Variants in WWC1 observed in about 807,000 individuals in gnomAD.
The protein encoded by WWC1 is protein KIBRA.
WWC1 carries 55 observed loss-of-function variants against 138.4 expected under a neutral mutation model. That is an observed-to-expected ratio of 0.40 (90% confidence interval 0.32 to 0.50). The LOEUF (loss-of-function observed/expected upper bound fraction) is 0.50. Among genes scored for constraint, WWC1 ranks in the 20% least tolerant of loss-of-function variants. The pLI is 0.72. For synonymous variants in WWC1, 524 were observed against 564.9 expected, an observed-to-expected ratio of 0.93 and a Z score of 1.03; for missense variants, 1,226 against 1,420.4, an observed-to-expected ratio of 0.86 and a Z score of 2.20.
At chr5:168,338,172 G>C (rs9313406) in intron 1 of WWC1, among the ~76,000 whole-genome samples, 1 of 151,622 alleles carries the variant, frequency 6.6e-6, no homozygotes, top group Non-Finnish European at 1.5e-5. Flanking sequence ...TTAGCCGGGC[G>C]TGGTGGCACG....
intron 19 of WWC1, among the ~76,000 whole-genome samples, chr5:168,460,416 A>G (rs530935689): frequency 6.6e-6 from 1 of 152,366 alleles, no homozygotes; most frequent in East Asian, 1.9e-4. Flanking sequence ...TATTCGTGGC[A>G]TTTAGCATCG....
At chr5:168,330,317 C>T (rs1273445405) in intron 1 of WWC1, among the ~76,000 whole-genome samples, 1 of 152,164 alleles carries the variant, frequency 6.6e-6, no homozygotes, top group East Asian at 1.9e-4. Context: ...TGAGCAACAA[C>T]CCCTTGGAAG....
chr5:168,445,701 CAAA>C (rs763044458), intron 17 of WWC1, among the ~76,000 whole-genome samples: 2 of 50,678 alleles, frequency 3.9e-5, no homozygotes, highest in African/African-American at 7.1e-5. Context: ...GACTCTGTCT[CAAA>C]AAAAAAAAAA....
chr5:168,404,255 A>G (rs567941977), intron 5 of WWC1, among the ~76,000 whole-genome samples: 1 of 152,312 alleles, frequency 6.6e-6, no homozygotes, highest in East Asian at 1.9e-4. Flanking sequence ...CCCTATGCCC[A>G]TCTGCAGCAG....
At position 168,430,239 on chromosome 5, in the gene WWC1, G is replaced by T. The variant is rs199633518; in HGVS notation, c.2087+16G>T. 87 of 1,608,572 alleles carry T rather than the reference G, an allele frequency of 5.4e-5. No homozygotes were observed. In the East Asian group the frequency reaches 1.8e-3, roughly 33 times the overall value. On this transcript the variant is annotated intron_variant, in intron 14 of 22. Transcript: ENST00000265293. ...ACCAGAAAGTGTGAGTATGTAGCTGGACAGGTGTATTTCATACCCTAACCC... is the reference window on the plus strand; with the variant it reads ...ACCAGAAAGTGTGAGTATGTAGCTGTACAGGTGTATTTCATACCCTAACCC...
intron 19 of WWC1, 100 bp from the exon 20 acceptor site, chr5:168,460,550 A>T: frequency 9.4e-7 from 1 of 1,058,660 alleles, no homozygotes. Flanking sequence ...GAGAGGAAGG[A>T]CTGTGCCGAG....
intron 1 of WWC1, among the ~76,000 whole-genome samples, chr5:168,368,137 C>A (rs1036328337): frequency 2.8e-5 from 4 of 141,934 alleles, no homozygotes; most frequent in African/African-American, 1.0e-4. Context: ...GTTACCCAGG[C>A]TGGAGTGCAA....
Position 168,464,506 on chromosome 5 carries a change from G to T in WWC1, c.2917-223G>T, listed in dbSNP as rs1475272896. 2.6e-5 allele frequency among the ~76,000 whole-genome samples: 4 copies of T among 152,296 alleles called. No individual in the cohort carries two copies. The East Asian group carries it at 7.7e-4, about 29-fold the overall frequency. ...CCTAGGTTTGTGAAAATGAAACGAG[G>T]TTATGGAAATGAAGTGCTTAGTGCC... On this transcript the variant is annotated intron_variant, in intron 20 of 22. Transcript: ENST00000265293.
chr5:168,299,168 A>G (rs904675312), intron 1 of WWC1, among the ~76,000 whole-genome samples: 1 of 152,198 alleles, frequency 6.6e-6, no homozygotes, highest in Non-Finnish European at 1.5e-5. Flanking sequence ...GGATTCTTGC[A>G]TCTACACTCA....
At chr5:168,429,485 C>T (rs531256285) in intron 13 of WWC1, among the ~76,000 whole-genome samples, 115 of 152,158 alleles carry the variant, frequency 7.6e-4, no homozygotes, top group Admixed American at 2.4e-3. Context: ...TCTCAAACTC[C>T]TGACCTCAAA....
At position 168,470,611 on chromosome 5, in the gene WWC1, G is replaced by A. The variant is rs918179682; in HGVS notation, c.*1594G>A. 1 of 151,970 alleles carries A rather than the reference G, an allele frequency of 6.6e-6. No individual in the cohort carries two copies. The highest frequency in any genetic ancestry group is 1.5e-5 in the Non-Finnish European group (1 of 68,062). The allele number at this position is 151,970 out of a possible 1,614,324, so 9.4% of individuals were successfully genotyped here. ...GCACTTTGGGAGGCTGAGGCGGGCA[G>A]ATCAACTGAGATCGGGGGTTCGAGA... On this transcript the variant is annotated 3_prime_UTR_variant, in exon 23 of 23. Transcript: ENST00000265293.
intron 10 of WWC1, among the ~76,000 whole-genome samples, chr5:168,423,144 C>CT (rs1208969646): frequency 1.1e-5 from 1 of 89,596 alleles, no homozygotes; most frequent in African/African-American, 4.5e-5. Context: ...GACTCCATCC[C>CT]CCCCCAAAAA....
At chr5:168,362,553 T>C (rs553218146) in intron 1 of WWC1, among the ~76,000 whole-genome samples, 1 of 152,226 alleles carries the variant, frequency 6.6e-6, no homozygotes, top group Non-Finnish European at 1.5e-5. Flanking sequence ...TTTTAAAATA[T>C]AGCACTGTAG....
intron 1 of WWC1, among the ~76,000 whole-genome samples, chr5:168,321,337 A>T (rs1772060557): frequency 1.3e-5 from 2 of 152,142 alleles, no homozygotes; most frequent in Non-Finnish European, 2.9e-5. Flanking sequence ...TCCTTCTTTA[A>T]AGCCTAACCC....
chr5:168,407,991 T>C (rs994577945), intron 6 of WWC1, among the ~76,000 whole-genome samples: 16 of 150,756 alleles, frequency 1.1e-4, no homozygotes, highest in African/African-American at 3.9e-4. Context: ...GCCTCCCAAG[T>C]AGTTGGAACT....
rs548767929 is a variant in WWC1 at position 168,439,653 on chromosome 5, C to T, written c.2281-2029C>T. Among the ~76,000 whole-genome samples, 9 of 151,152 alleles carry T rather than the reference C, an allele frequency of 6.0e-5. No individual in the cohort carries two copies. The South Asian group carries it at 1.1e-3, about 18-fold the overall frequency. On this transcript the variant is annotated intron_variant, in intron 15 of 22. Transcript: ENST00000265293. ...CTCAAAAAAAAAAAAAAAAATCTTT[C>T]GCTATTACAAAGAGGGTCAGAATGA...
At chr5:168,317,343 G>A (rs376560866) in intron 1 of WWC1, among the ~76,000 whole-genome samples, 1 of 152,168 alleles carries the variant, frequency 6.6e-6, no homozygotes. Flanking sequence ...TTAAGCTCTC[G>A]CACTCTCCGG....
chr5:168,324,139 A>G (rs1236829125), intron 1 of WWC1, among the ~76,000 whole-genome samples: 1 of 152,262 alleles, frequency 6.6e-6, no homozygotes, highest in African/African-American at 2.4e-5. Context: ...AGAAATGTTA[A>G]AGGAAATTTT....
chr5:168,298,301 AG>A (rs778934553), intron 1 of WWC1, among the ~76,000 whole-genome samples: 2 of 152,118 alleles, frequency 1.3e-5, no homozygotes, highest in Non-Finnish European at 2.9e-5. Context: ...AGCCTCCCAA[AG>A]TGTTAGGATT....
Sources: gnomAD v4.1 joint callset for allele counts (sites outside exome capture counted in the v4.1 genomes callset) on GRCh38, gnomAD v4.1.1 for gene constraint, MANE v1.5 for transcripts, NCBI Gene and HGNC (gene_info 2026-07-23, HGNC 2026-07-21) for gene names.